The following FLNB variants were observed in gnomAD, a reference collection of about 807,000 sequenced individuals.
FLNB encodes filamin B, also known as filamin-B.
A neutral mutation model predicts 250.6 loss-of-function variants in FLNB; 111 were observed. The observed-to-expected ratio is 0.44, with a 90% confidence interval of 0.38 to 0.52. The LOEUF (loss-of-function observed/expected upper bound fraction) is 0.52. Among genes scored for constraint, FLNB ranks in the 20% least tolerant of loss-of-function variants. The pLI, the probability that FLNB is intolerant of heterozygous loss-of-function variation, is 0.00. For synonymous variants in FLNB, 1,302 were observed against 1,372.1 expected, an observed-to-expected ratio of 0.95 and a Z score of 1.13; for missense variants, 2,869 against 3,447.8, an observed-to-expected ratio of 0.83 and a Z score of 4.20.
Position 58,148,815 on chromosome 3 carries a change from C to A in FLNB, c.6054C>A (p.Phe2018Leu). The change falls in exon 36 of 46, where the codon TTC (phenylalanine) becomes TTA (leucine). Residue 2018 changes from phenylalanine (F) to leucine (L), a missense_variant. By Grantham distance (22) the Phe-to-Leu change is conservative. Coordinates refer to ENST00000295956, the MANE Select transcript of FLNB (RefSeq NM_001457.4). ...YGRGLSEGRT[F>L]EMSDFIVDTR... Reference sequence around the variant, plus strand: ...GCGGCCTGTCAGAAGGCCGGACTTTCGAGATGTCTGACTTCATCGTGGACA... The same window carrying A: ...GCGGCCTGTCAGAAGGCCGGACTTTAGAGATGTCTGACTTCATCGTGGACA... 1.2e-6 allele frequency: 2 copies of A among 1,613,824 alleles called. No homozygotes were observed. The highest frequency in any genetic ancestry group is 1.7e-6 in the Non-Finnish European group (2 of 1,180,040).
At chr3:58,042,133 G>A (rs2097146902) in intron 1 of FLNB, among the ~76,000 whole-genome samples, 1 of 152,108 alleles carries the variant, frequency 6.6e-6, no homozygotes, top group Non-Finnish European at 1.5e-5. Flanking sequence ...AACCTAGGTT[G>A]AACAAGTCCT....
chr3:58,098,416 C>T (rs141119245), intron 7 of FLNB, among the ~76,000 whole-genome samples: 211 of 152,272 alleles, frequency 1.4e-3, no homozygotes, highest in South Asian at 9.5e-3. Context: ...ACGCAACCTC[C>T]GCCTCCTGGG....
At chr3:58,039,455 CTG>C (rs892872615) in intron 1 of FLNB, among the ~76,000 whole-genome samples, 1 of 152,126 alleles carries the variant, frequency 6.6e-6, no homozygotes, top group Non-Finnish European at 1.5e-5. Flanking sequence ...GATGGGAAAA[CTG>C]ATGCCCAGAG....
intron 10 of FLNB, among the ~76,000 whole-genome samples, 167 bp from the exon 11 acceptor site, chr3:58,104,910 CAGT>C (rs1169006384): frequency 6.6e-6 from 1 of 152,136 alleles, no homozygotes; most frequent in Non-Finnish European, 1.5e-5. Context: ...GTTGACATAA[CAGT>C]AGCTATGGGT....
At chr3:58,122,598 G>GT (rs1366709459) in intron 20 of FLNB, among the ~76,000 whole-genome samples, 2 of 152,162 alleles carry the variant, frequency 1.3e-5, no homozygotes, top group Non-Finnish European at 2.9e-5. Flanking sequence ...TCCTATGAAG[G>GT]TGTCTTATTT....
chr3:58,040,395 C>T (rs1488985046), intron 1 of FLNB, among the ~76,000 whole-genome samples: 1 of 152,192 alleles, frequency 6.6e-6, no homozygotes, highest in Non-Finnish European at 1.5e-5. Flanking sequence ...GCCATTGGCC[C>T]TCTCATTAAG....
intron 1 of FLNB, among the ~76,000 whole-genome samples, chr3:58,021,754 G>A (rs2097114361): frequency 1.3e-5 from 2 of 151,580 alleles, no homozygotes; most frequent in Admixed American, 1.3e-4. Context: ...TCCTCTCCTG[G>A]GCACCCAACA....
chr3:58,140,866 A>G (rs2097325790), intron 29 of FLNB, among the ~76,000 whole-genome samples: 1 of 152,174 alleles, frequency 6.6e-6, no homozygotes. Flanking sequence ...TGGCCTCCCA[A>G]AGTGCTGGGA....
At position 58,083,468 on chromosome 3, in the gene FLNB, G is replaced by A. The variant is rs749332356; in HGVS notation, c.787+1692G>A. 8.7e-5 allele frequency among the ~76,000 whole-genome samples: 13 copies of A among 149,826 alleles called. No homozygotes were observed. In the South Asian group the frequency reaches 1.1e-3, roughly 12 times the overall value. ...TGCAACCTCTGCCTCCTGGGTTCAAGCGATCCTCCTGCCTCAGCCTCCCGA... is the reference window on the plus strand; with the variant it reads ...TGCAACCTCTGCCTCCTGGGTTCAAACGATCCTCCTGCCTCAGCCTCCCGA... On this transcript the variant is annotated intron_variant, in intron 4 of 45. Coordinates refer to ENST00000295956, the MANE Select transcript of FLNB (RefSeq NM_001457.4).
intron 1 of FLNB, among the ~76,000 whole-genome samples, chr3:58,068,151 A>T (rs768574841): frequency 2.0e-5 from 3 of 152,228 alleles, no homozygotes; most frequent in Non-Finnish European, 4.4e-5. Flanking sequence ...TATTTGAAAG[A>T]CAGGCACAGC....
At chr3:58,159,825 A>G in intron 42 of FLNB, 139 bp downstream of exon 42, 1 of 911,114 alleles carries the variant, frequency 1.1e-6, no homozygotes. Flanking sequence ...GTTGCCAGAT[A>G]TTGTTTATAA....
At chr3:58,155,078 TACATGGCCAG>T in intron 40 of FLNB, 150 bp downstream of exon 40, 1 of 803,362 alleles carries the variant, frequency 1.2e-6, no homozygotes. Context: ...AGTTGCAAGA[TACATGGCCAG>T]ACCTCTTAAG....
At chr3:58,132,563 G>C in intron 25 of FLNB, 1 of 575,072 alleles carries the variant, frequency 1.7e-6, no homozygotes, top group South Asian at 1.9e-5. Context: ...TTATACTCTA[G>C]GGCAGACTGA....
chr3:58,106,570 T>A, intron 11 of FLNB, 110 bp from the exon 12 acceptor site: 2 of 1,004,068 alleles, frequency 2.0e-6, no homozygotes, highest in South Asian at 2.7e-5. Context: ...GATTTCAATC[T>A]TCTGGCCAAC....
At chr3:58,085,481 G>A (rs898290819) in intron 4 of FLNB, among the ~76,000 whole-genome samples, 2 of 152,190 alleles carry the variant, frequency 1.3e-5, no homozygotes, top group African/African-American at 4.8e-5. Context: ...TGAAAGTGTT[G>A]TTTTATTTTT....
At position 58,146,893 on chromosome 3, in the gene FLNB, C is replaced by T; in HGVS notation, c.5628C>T (p.Cys1876=). Residue 1876 remains cysteine (C), a synonymous_variant, in exon 34 of 46, where the codon TGC becomes TGT. Coordinates refer to ENST00000295956, the MANE Select transcript of FLNB (RefSeq NM_001457.4). Reference sequence around the variant, plus strand: ...GCATTGACAATAAAGATGGGACATGCACAGTGACCTACCTGCCGACTCTGC... The same window carrying T: ...GCATTGACAATAAAGATGGGACATGTACAGTGACCTACCTGCCGACTCTGC... ...ISCIDNKDGT[C]TVTYLPTLPG... is the part of the protein sequence containing the mutation. 6.2e-7 allele frequency: 1 copy of T among 1,614,188 alleles called. No individual in the cohort carries two copies. Among genetic ancestry groups the T allele is most frequent in the Non-Finnish European group, 8.5e-7 (1 of 1,180,040 alleles).
chr3:58,084,556 A>T (rs1460523696), intron 4 of FLNB, among the ~76,000 whole-genome samples: 2 of 110,402 alleles, frequency 1.8e-5, no homozygotes, highest in South Asian at 3.4e-4. Flanking sequence ...ACACCCTTTT[A>T]AAAAAAAATT....
chr3:58,121,263 G>C lies in FLNB; in HGVS notation c.2886G>C (p.Gln962His), dbSNP rs768704726. 1 of 1,614,162 alleles carries C rather than the reference G, an allele frequency of 6.2e-7. No individual in the cohort carries two copies. The highest frequency in any genetic ancestry group is 1.1e-5 in the South Asian group (1 of 91,084). ...CAGGGGTGGAAGTTGGGAAGGATCA[G>C]GAGTTCACCGTTGATACCAGGGGGG... The part of the protein sequence containing the change: ...LENRVEVGKD[Q>H]EFTVDTRGAG... The change falls in exon 20 of 46, where the codon CAG becomes CAC. Residue 962 changes from glutamine (Q) to histidine (H), a missense_variant. Gln to His is a conservative substitution (Grantham distance 24, BLOSUM62 0). Transcript: ENST00000295956.
intron 1 of FLNB, among the ~76,000 whole-genome samples, chr3:58,071,697 C>T (rs1209301423): frequency 6.6e-6 from 1 of 152,144 alleles, no homozygotes; most frequent in African/African-American, 2.4e-5. Context: ...AGTGTCTGTC[C>T]ATGCCTCTCC....
Sources: allele counts gnomAD v4.1 joint callset (sites outside exome capture counted in the v4.1 genomes callset), GRCh38; gene constraint gnomAD v4.1.1; transcripts MANE v1.5; gene names NCBI Gene and HGNC (gene_info 2026-07-23, HGNC 2026-07-21).